Variants in COL25A1 observed in about 807,000 individuals in gnomAD.
The protein encoded by COL25A1 is collagen type XXV alpha 1 chain.
A neutral mutation model predicts 128.4 loss-of-function variants in COL25A1; 103 were observed. That is an observed-to-expected ratio of 0.80 (90% confidence interval 0.68 to 0.94). The LOEUF (loss-of-function observed/expected upper bound fraction) is 0.94. COL25A1 is among the 40% of genes least tolerant of loss of function. The probability of loss-of-function intolerance (pLI) is 0.00; values close to 1 mark genes in which losing one functional copy is unlikely to be tolerated. For synonymous variants in COL25A1, 279 were observed against 277.2 expected (o/e 1.01, Z -0.06); for missense variants, 745 against 840.0 (o/e 0.89, Z 1.40).
intron 3 of COL25A1, among the ~76,000 whole-genome samples, chr4:109,124,121 C>T (rs1768370694): frequency 6.6e-6 from 1 of 152,054 alleles, no homozygotes; most frequent in African/African-American, 2.4e-5. Context: ...GTTTCAGGCA[C>T]TGACATTGAC....
At chr4:108,969,853 A>C (rs17598358) in intron 8 of COL25A1, among the ~76,000 whole-genome samples, 31,364 of 151,048 alleles carry the variant, frequency 0.21, 3,348 homozygotes, top group Non-Finnish European at 0.24. Context: ...CCCTGCTTTC[A>C]GTCTCTTCCA....
At chr4:109,193,762 G>A (rs1775803461) in intron 3 of COL25A1, among the ~76,000 whole-genome samples, 2 of 152,044 alleles carry the variant, frequency 1.3e-5, no homozygotes, top group Admixed American at 1.3e-4. Context: ...AGCTCCAAGA[G>A]TCACTAAATA....
At chr4:109,098,195 A>G (rs1168438797) in intron 3 of COL25A1, among the ~76,000 whole-genome samples, 1 of 152,200 alleles carries the variant, frequency 6.6e-6, no homozygotes, top group Non-Finnish European at 1.5e-5. Flanking sequence ...ACTTTTCTTT[A>G]GGCAGACACA....
chr4:109,253,034 T>TA (rs1560933882), intron 3 of COL25A1, among the ~76,000 whole-genome samples: 1 of 152,144 alleles, frequency 6.6e-6, no homozygotes, highest in Non-Finnish European at 1.5e-5. Flanking sequence ...TGTCTTCTCT[T>TA]TCCTACTGGA....
chr4:109,071,683 AG>A (rs1762985946), intron 3 of COL25A1, among the ~76,000 whole-genome samples: 1 of 152,238 alleles, frequency 6.6e-6, no homozygotes, highest in South Asian at 2.1e-4. Context: ...TGCAGCCAAA[AG>A]ACACATGAAA....
At chr4:109,294,321 C>T (rs1670479688) in intron 3 of COL25A1, among the ~76,000 whole-genome samples, 1 of 152,060 alleles carries the variant, frequency 6.6e-6, no homozygotes, top group African/African-American at 2.4e-5. Flanking sequence ...TATATGATGC[C>T]AATGAAAAGT....
rs1369398604 is a variant in COL25A1 at position 108,920,948 on chromosome 4, C to G, written c.709-344G>C. 6 of 187,032 alleles carry G rather than the reference C, an allele frequency of 3.2e-5. No homozygotes were observed. The Admixed American group carries it at 3.7e-4, about 11-fold the overall frequency. 11.6% of individuals were successfully genotyped at this position (187,032 alleles called of 1,614,324 possible). On this transcript the variant is annotated intron_variant, in intron 11 of 37. Coordinates refer to ENST00000399132, the MANE Select transcript of COL25A1 (RefSeq NM_198721.4). ...AGGCTGAAGATATAGTCCCTAGAAG[C>G]AGTTAAAATGCAATGTAGTTTCTCA... is the stretch of plus-strand genomic sequence containing the variant.
intron 3 of COL25A1, among the ~76,000 whole-genome samples, chr4:109,234,916 G>A (rs1779372025): frequency 6.6e-6 from 1 of 152,020 alleles, no homozygotes; most frequent in African/African-American, 2.4e-5. Flanking sequence ...TGTAAATTGT[G>A]AATAGCCAAT....
chr4:109,072,965 C>T (rs970063615), intron 3 of COL25A1, among the ~76,000 whole-genome samples: 1 of 152,164 alleles, frequency 6.6e-6, no homozygotes, highest in African/African-American at 2.4e-5. Context: ...TTCCATTCCT[C>T]CACTGTGTTC....
At chr4:109,081,065 A>G (rs1189557333) in intron 3 of COL25A1, among the ~76,000 whole-genome samples, 1 of 152,238 alleles carries the variant, frequency 6.6e-6, no homozygotes, top group Non-Finnish European at 1.5e-5. Context: ...GGGAGAATTC[A>G]GAAGCATTTC....
chr4:108,832,725 G>A (rs574841523), intron 31 of COL25A1: 7 of 221,578 alleles, frequency 3.2e-5, no homozygotes, highest in Admixed American at 5.5e-5. Flanking sequence ...GGCTGGGTGC[G>A]GTGGCTCAAG....
intron 3 of COL25A1, among the ~76,000 whole-genome samples, chr4:109,155,171 G>T (rs1712979404): frequency 6.6e-6 from 1 of 152,156 alleles, no homozygotes; most frequent in African/African-American, 2.4e-5. Flanking sequence ...CAGCACTTGA[G>T]GATAAGAGTT....
chr4:109,282,565 T>C (rs1193026614), intron 3 of COL25A1, among the ~76,000 whole-genome samples: 4 of 152,214 alleles, frequency 2.6e-5, no homozygotes, highest in African/African-American at 9.7e-5. Flanking sequence ...TTTAACTATT[T>C]ATAGAGTCAA....
At chr4:109,006,445 G>T (rs1384250800) in intron 6 of COL25A1, among the ~76,000 whole-genome samples, 1 of 97,244 alleles carries the variant, frequency 1.0e-5, no homozygotes, top group South Asian at 3.4e-4. Flanking sequence ...TTACCATTTT[G>T]GCCAGGCTGG....
intron 13 of COL25A1, among the ~76,000 whole-genome samples, chr4:108,915,143 G>C (rs1291268857): frequency 6.6e-6 from 1 of 152,180 alleles, no homozygotes; most frequent in Non-Finnish European, 1.5e-5. Context: ...TGCATAAGCA[G>C]TCCTTTCTCC....
chr4:109,102,387 C>T (rs1765977943), intron 3 of COL25A1, among the ~76,000 whole-genome samples: 1 of 152,038 alleles, frequency 6.6e-6, no homozygotes, highest in African/African-American at 2.4e-5. Context: ...TATCAATCCT[C>T]TTAAATTTAT....
chr4:109,048,181 G>A lies in COL25A1; in HGVS notation c.413-6C>T, dbSNP rs3108954. ...AAACATACTTACAGGAGGACCTATG[G>A]GGGGAGCAGGTGGAGAGAGAAGAGA... On this transcript the variant is annotated splice_polypyrimidine_tract_variant and splice_region_variant and intron_variant, in intron 4 of 37. Transcript: ENST00000399132. 1 of 1,610,864 alleles carries A rather than the reference G, an allele frequency of 6.2e-7. No homozygotes were observed. The highest frequency in any genetic ancestry group is 8.5e-7 in the Non-Finnish European group (1 of 1,177,536).
intron 8 of COL25A1, among the ~76,000 whole-genome samples, chr4:108,964,230 G>A (rs145536750): frequency 6.6e-6 from 1 of 151,618 alleles, no homozygotes; most frequent in East Asian, 1.9e-4. Context: ...ATTTAAACTG[G>A]TTGGTATCAT....
At chr4:109,111,086 C>T (rs1766958292) in intron 3 of COL25A1, among the ~76,000 whole-genome samples, 1 of 152,158 alleles carries the variant, frequency 6.6e-6, no homozygotes, top group African/African-American at 2.4e-5. Context: ...GGCCACTGTT[C>T]CAGATTTTTC....
Sources: allele counts gnomAD v4.1 joint callset (sites outside exome capture counted in the v4.1 genomes callset), GRCh38; gene constraint gnomAD v4.1.1; transcripts MANE v1.5; gene names NCBI Gene and HGNC (gene_info 2026-07-23, HGNC 2026-07-21).